Variants in TULP2 observed in about 807,000 individuals in gnomAD.
The protein encoded by TULP2 is TUB like protein 2.
A neutral mutation model predicts 60.3 loss-of-function variants in TULP2; 64 were observed. That is an observed-to-expected ratio of 1.06 (90% CI 0.87 to 1.31). TULP2 has a LOEUF of 1.31. TULP2 is among the 50% of genes most tolerant of loss of function. The pLI is 0.00. For synonymous variants in TULP2, 267 were observed against 265.4 expected, an observed-to-expected ratio of 1.01 and a Z score of -0.06; for missense variants, 652 against 667.0, an observed-to-expected ratio of 0.98 and a Z score of 0.25.
intron 7 of TULP2, 42 bp downstream of exon 7, chr19:48,889,468 C>A: frequency 1.3e-6 from 2 of 1,557,372 alleles, no homozygotes; most frequent in Non-Finnish European, 1.8e-6. Flanking sequence ...CCGAGGCTAG[C>A]CCTCTTCTTC....
intron 9 of TULP2, among the ~76,000 whole-genome samples, 173 bp from the exon 10 acceptor site, chr19:48,884,219 T>C (rs537645366): frequency 6.6e-6 from 1 of 152,190 alleles, no homozygotes; most frequent in East Asian, 1.9e-4. Context: ...ATCCCAGCAC[T>C]TCAGGAGGCA....
chr19:48,890,848 A>G (rs2037226052), intron 6 of TULP2, among the ~76,000 whole-genome samples: 1 of 152,102 alleles, frequency 6.6e-6, no homozygotes, highest in African/African-American at 2.4e-5. Flanking sequence ...TCCTTATCTC[A>G]GACAAAGCAT....
intron 7 of TULP2, among the ~76,000 whole-genome samples, chr19:48,888,990 ATTTTTT>A (rs1207924162): frequency 5.9e-5 from 7 of 118,596 alleles, no homozygotes; most frequent in African/African-American, 2.2e-4. Flanking sequence ...GGCTGCACCT[ATTTTTT>A]TTTTTTTTTG....
chr19:48,891,025 A>C (rs1335670500), intron 6 of TULP2, among the ~76,000 whole-genome samples: 4 of 150,210 alleles, frequency 2.7e-5, no homozygotes, highest in Non-Finnish European at 4.4e-5. Flanking sequence ...TGAACCTTAA[A>C]ATTTTATGGC....
chr19:48,892,017 AGGTG>A (rs2037237598), intron 6 of TULP2, among the ~76,000 whole-genome samples: 1 of 152,224 alleles, frequency 6.6e-6, no homozygotes, highest in Non-Finnish European at 1.5e-5. Flanking sequence ...TCCAGCCATA[AGGTG>A]GTTTTCTCCT....
chr19:48,887,773 GTCTTGA>G (rs2037195017), intron 8 of TULP2, among the ~76,000 whole-genome samples, 171 bp downstream of exon 8: 1 of 152,124 alleles, frequency 6.6e-6, no homozygotes, highest in Admixed American at 6.5e-5. Flanking sequence ...GGTCAGGCTG[GTCTTGA>G]ACTCCGGACC....
intron 6 of TULP2, 45 bp from the exon 7 acceptor site, chr19:48,889,676 G>C: frequency 6.5e-7 from 1 of 1,529,760 alleles, no homozygotes; most frequent in African/African-American, 1.4e-5. Flanking sequence ...TACTGTGTCT[G>C]TGTAGAAAGA....
chr19:48,883,535 C>T (rs1568568373), intron 11 of TULP2, among the ~76,000 whole-genome samples: 1 of 152,120 alleles, frequency 6.6e-6, no homozygotes, highest in East Asian at 1.9e-4. Flanking sequence ...GTTTGTTAAC[C>T]TACCATCAAA....
intron 6 of TULP2, among the ~76,000 whole-genome samples, chr19:48,892,087 C>T (rs147995126): frequency 5.3e-5 from 8 of 152,308 alleles, no homozygotes; most frequent in African/African-American, 1.7e-4. Context: ...TTTCCAGAGA[C>T]GTGCAGGAGA....
chr19:48,896,320 A>G (rs2037280755), intron 4 of TULP2, 110 bp downstream of exon 4: 11 of 1,374,538 alleles, frequency 8.0e-6, no homozygotes, highest in South Asian at 1.6e-5. Flanking sequence ...GCCCCCATCC[A>G]CTGCCAAGTC....
At position 48,897,159 on chromosome 19, in the gene TULP2, T is replaced by C. The variant is rs2037290302; in HGVS notation, c.84+186A>G. On this transcript the variant is annotated intron_variant, in intron 3 of 12. Transcript: ENST00000221399. The surrounding 1 kb of genome is among the most constrained non-coding windows in gnomAD (Gnocchi z 4.0). ...CCCACCTCAGCATCCCAAAGTGCTG[T>C]GATTACAGCCGTGAGCTGCCCTGCC... Among the ~76,000 whole-genome samples, 1 of 152,092 alleles carries C rather than the reference T, an allele frequency of 6.6e-6. No homozygotes were observed. The highest frequency in any genetic ancestry group is 6.6e-5 in the Admixed American group (1 of 15,256).
rs752455580 is a variant in TULP2, at chr19:48,896,607, C to CA, written c.85-52dup. The CA allele has an allele frequency of 1.4e-4, 209 of 1,534,576 alleles. No individual in the cohort carries two copies. In the African/African-American group the frequency reaches 2.5e-3, roughly 18 times the overall value. On this transcript the variant is annotated intron_variant, in intron 3 of 12. Transcript: ENST00000221399. ...CCGGGACAGGAACCAGATGGGAAGACAGAAGTGAGGTGGGGCCTGGGGCAA... is the reference window on the plus strand; with the variant it reads ...CCGGGACAGGAACCAGATGGGAAGACAAGAAGTGAGGTGGGGCCTGGGGCAA...
intron 8 of TULP2, among the ~76,000 whole-genome samples, chr19:48,886,811 C>A (rs2037183479): frequency 6.6e-6 from 1 of 151,286 alleles, no homozygotes. Flanking sequence ...TGGACTCAAG[C>A]CATTTTCCCT....
Position 48,887,984 on chromosome 19 carries a change from T to G in TULP2, c.914A>C (p.Tyr305Ser). The change falls in exon 8 of 13, where the codon TAC (tyrosine) becomes TCC (serine). Residue 305 changes from tyrosine (Y) to serine (S), a missense_variant. Coordinates refer to ENST00000221399, the MANE Select transcript of TULP2 (RefSeq NM_003323.3). The part of the protein sequence containing the change: ...HGVDKGLFPL[Y>S]YLYLETSDSL... ...GTCAGAGGTCTCCAGGTAGAGGTAG[T>G]AGAGGGGGAACAAGCCCTTGTCCAC... is the stretch of plus-strand genomic sequence containing the variant. 1 of 1,613,886 alleles carries G rather than the reference T, an allele frequency of 6.2e-7. No homozygotes were observed.
intron 3 of TULP2, 21 bp from the exon 4 acceptor site, chr19:48,896,577 G>C: frequency 6.3e-7 from 1 of 1,579,026 alleles, no homozygotes; most frequent in Non-Finnish European, 8.6e-7. Context: ...GGGAGAGGTG[G>C]GTGTCCGGGA....
intron 8 of TULP2, among the ~76,000 whole-genome samples, chr19:48,887,541 CTTTT>C (rs201003860): frequency 6.6e-6 from 1 of 150,930 alleles, no homozygotes; most frequent in African/African-American, 2.4e-5. Flanking sequence ...TCAGGCTGGT[CTTTT>C]TTGTGTTTGT....
rs371221655 is a variant in TULP2 at position 48,891,457 on chromosome 19, C to T, written c.515-1826G>A. 2.4e-4 allele frequency among the ~76,000 whole-genome samples: 37 copies of T among 152,202 alleles called. 1 individual carries two copies. The South Asian group carries it at 3.3e-3, about 14-fold the overall frequency. On this transcript the variant is annotated intron_variant, in intron 6 of 12. Transcript: ENST00000221399. ...ATCAGCCTGGCCAACATAGTGAAAC[C>T]GGTCTCTACTAAAAATACAAAAATT... is the stretch of plus-strand genomic sequence containing the variant.
In TULP2 at chr19:48,895,678, G is replaced by A. The variant is rs112604103; in HGVS notation, c.212-175C>T. On this transcript the variant is annotated intron_variant, in intron 4 of 12. Transcript: ENST00000221399. ...GCGGATCACCTGAGGTCGGGAGTTC[G>A]AGACCAGCCTGACCAACATGGAGAA... Among the ~76,000 whole-genome samples, 458 of 152,166 alleles carry A rather than the reference G, an allele frequency of 3.0e-3. 2 individuals are homozygous for A. The highest frequency in any genetic ancestry group is 0.01 in the African/African-American group (427 of 41,526).
intron 6 of TULP2, among the ~76,000 whole-genome samples, chr19:48,893,366 C>T (rs112370206): frequency 0.32 from 45,940 of 145,718 alleles, 7,768 homozygotes; most frequent in African/African-American, 0.45. Flanking sequence ...CAAGACTCTG[C>T]CTCAAGAAAA....
Sources: allele counts gnomAD v4.1 joint callset (sites outside exome capture counted in the v4.1 genomes callset), GRCh38; gene constraint gnomAD v4.1.1; non-coding constraint Gnocchi (gnomAD v3.1); transcripts MANE v1.5; gene names NCBI Gene and HGNC (gene_info 2026-07-23, HGNC 2026-07-21).